CSMD1: variants seen among roughly 807,000 people sequenced by gnomAD.
The protein encoded by CSMD1 is CUB and sushi domain-containing protein 1.
In CSMD1, 213 loss-of-function variants were observed where a neutral mutation model predicts 417.5. That is an observed-to-expected ratio of 0.51 (90% CI 0.46 to 0.57). The LOEUF is 0.57. Ranked by LOEUF, CSMD1 falls within the 20% of genes least tolerant of loss-of-function variation. CSMD1 has a pLI of 0.00. For missense variants in CSMD1, 6,923 were observed against 4,529.7 expected (o/e 1.53, Z -15.17); for synonymous variants, 2,862 against 1,736.8 (o/e 1.65, Z -16.11).
At chr8:4,636,007 T>C (rs1802792673) in intron 2 of CSMD1, among the ~76,000 whole-genome samples, 1 of 151,984 alleles carries the variant, frequency 6.6e-6, no homozygotes, top group African/African-American at 2.4e-5. Context: ...TATTTGAAAA[T>C]ATATTAATGA....
chr8:4,965,274 T>C (rs979566853), intron 1 of CSMD1, among the ~76,000 whole-genome samples: 1 of 152,242 alleles, frequency 6.6e-6, no homozygotes, highest in African/African-American at 2.4e-5. Context: ...AGCCAATACT[T>C]ACTGAGTACT....
chr8:3,532,519 T>C (rs1020382451), intron 10 of CSMD1, among the ~76,000 whole-genome samples: 3 of 152,134 alleles, frequency 2.0e-5, no homozygotes, highest in African/African-American at 7.2e-5. Context: ...CCTCAGATGA[T>C]CAGGACTTTA....
chr8:4,732,006 G>C (rs909980432), intron 1 of CSMD1, among the ~76,000 whole-genome samples: 2 of 152,252 alleles, frequency 1.3e-5, no homozygotes, highest in South Asian at 4.2e-4. Context: ...GAAAAAACGA[G>C]AAGACTGAGG....
At chr8:4,925,745 C>T (rs1806823339) in intron 1 of CSMD1, among the ~76,000 whole-genome samples, 1 of 152,062 alleles carries the variant, frequency 6.6e-6, no homozygotes, top group Non-Finnish European at 1.5e-5. Flanking sequence ...GACGGGGTTT[C>T]ACCGTGTTGG....
intron 3 of CSMD1, among the ~76,000 whole-genome samples, chr8:4,056,619 T>C (rs1333251103): frequency 6.6e-6 from 1 of 151,940 alleles, no homozygotes; most frequent in African/African-American, 2.4e-5. Flanking sequence ...TGTGCCATGC[T>C]GGGGTCCTGC....
chr8:4,146,760 C>T (rs887724499), intron 3 of CSMD1, among the ~76,000 whole-genome samples: 1 of 149,322 alleles, frequency 6.7e-6, no homozygotes, highest in East Asian at 1.9e-4. Flanking sequence ...TACAGGCGCC[C>T]GGCACCAGAC....
At chr8:4,752,046 T>G (rs1050077835) in intron 1 of CSMD1, among the ~76,000 whole-genome samples, 4 of 152,050 alleles carry the variant, frequency 2.6e-5, no homozygotes, top group African/African-American at 7.2e-5. Context: ...ATGCAAACTG[T>G]GTATATATTA....
intron 1 of CSMD1, among the ~76,000 whole-genome samples, chr8:4,761,907 CT>C (rs1563319657): frequency 6.5e-4 from 79 of 121,546 alleles, no homozygotes; most frequent in East Asian, 1.6e-3. Context: ...ATCTATCTAT[CT>C]ATCAATCTAT....
intron 64 of CSMD1, among the ~76,000 whole-genome samples, chr8:2,955,326 T>G (rs544319158): frequency 7.5e-4 from 115 of 152,350 alleles, no homozygotes; most frequent in African/African-American, 2.5e-3. Flanking sequence ...TCTTTTGGCT[T>G]GAAATAATGC....
intron 3 of CSMD1, among the ~76,000 whole-genome samples, chr8:4,247,194 G>C (rs1248637670): frequency 2.0e-5 from 3 of 152,156 alleles, no homozygotes; most frequent in Non-Finnish European, 2.9e-5. Context: ...AGTTTGCATA[G>C]CATTTCTCTA....
intron 5 of CSMD1, among the ~76,000 whole-genome samples, chr8:3,903,559 AT>A (rs1018186811): frequency 2.4e-4 from 37 of 152,296 alleles, no homozygotes; most frequent in Admixed American, 2.0e-3. Flanking sequence ...CTGAATTTCA[AT>A]GTGTAGAATA....
chr8:3,962,344 C>G (rs1812387303), intron 5 of CSMD1, among the ~76,000 whole-genome samples: 1 of 152,142 alleles, frequency 6.6e-6, no homozygotes, highest in Non-Finnish European at 1.5e-5. Flanking sequence ...GATTAAGATC[C>G]CAAGTACAGT....
intron 1 of CSMD1, among the ~76,000 whole-genome samples, chr8:4,834,017 G>C (rs765357402): frequency 1.7e-4 from 26 of 152,094 alleles, no homozygotes; most frequent in Non-Finnish European, 3.5e-4. Flanking sequence ...ATAGACCCGG[G>C]ATGCAATATC....
rs552700776 is a variant in CSMD1, at chr8:3,481,363, T to C, written c.1448+12260A>G. The stretch of plus-strand genomic sequence containing the variant: ...GAGTTCCATAAATCTTACTTAATGA[T>C]TGAAACAACAATTAGAACAGCGTCT... On this transcript the variant is annotated intron_variant, in intron 11 of 69. Transcript: ENST00000635120. Among the ~76,000 whole-genome samples, 19 of 152,184 alleles carry C rather than the reference T, an allele frequency of 1.2e-4. 1 individual carries two copies. The South Asian group carries it at 3.7e-3, about 30-fold the overall frequency.
At chr8:3,793,803 G>T (rs1013776840) in intron 5 of CSMD1, among the ~76,000 whole-genome samples, 1 of 152,002 alleles carries the variant, frequency 6.6e-6, no homozygotes, top group African/African-American at 2.4e-5. Flanking sequence ...CTCCTTTTAT[G>T]CCCCAGGGCA....
intron 5 of CSMD1, among the ~76,000 whole-genome samples, chr8:3,936,762 A>C (rs866939821): frequency 6.6e-6 from 1 of 152,216 alleles, no homozygotes; most frequent in Non-Finnish European, 1.5e-5. Context: ...GCAGCCCAAG[A>C]AACACGAAAA....
Position 4,460,872 on chromosome 8 carries a change from A to G in CSMD1, c.303-40807T>C, listed in dbSNP as rs532412965. 1.5e-4 allele frequency among the ~76,000 whole-genome samples: 23 copies of G among 152,304 alleles called. 1 individual carries two copies. Among genetic ancestry groups the G allele is most frequent in the African/African-American group, 4.3e-4 (18 of 41,574 alleles). On this transcript the variant is annotated intron_variant, in intron 2 of 69. Coordinates refer to ENST00000635120, the MANE Select transcript of CSMD1 (RefSeq NM_033225.6). ...AGAGTAGAATTATTGTCAGTCTTTA[A>G]TAAATTCTTTCCAAAAATAGAAGAG... is the stretch of plus-strand genomic sequence containing the variant.
intron 1 of CSMD1, among the ~76,000 whole-genome samples, chr8:4,846,810 C>G (rs1801174236): frequency 6.6e-6 from 1 of 152,042 alleles, no homozygotes; most frequent in African/African-American, 2.4e-5. Context: ...AATGTGTTTG[C>G]AAAACTATAT....
intron 47 of CSMD1, among the ~76,000 whole-genome samples, chr8:3,094,546 C>T (rs150109065): frequency 1.4e-3 from 211 of 152,206 alleles, no homozygotes; most frequent in African/African-American, 2.8e-3. Flanking sequence ...ACCAGCACGG[C>T]AGTAAAGGAA....
Sources: gnomAD v4.1 joint callset for allele counts (sites outside exome capture counted in the v4.1 genomes callset) on GRCh38, gnomAD v4.1.1 for gene constraint, MANE v1.5 for transcripts, NCBI Gene and HGNC (gene_info 2026-07-23, HGNC 2026-07-21) for gene names.